Variants in SCLT1 observed in about 807,000 individuals in gnomAD.
SCLT1 encodes the protein sodium channel and clathrin linker 1, also known as sodium channel-associated protein 1.
A neutral mutation model predicts 112.8 loss-of-function variants in SCLT1; 78 were observed. The observed-to-expected ratio is 0.69, with a 90% CI of 0.58 to 0.83. The LOEUF (loss-of-function observed/expected upper bound fraction) is 0.83. Among genes scored for constraint, SCLT1 ranks in the 40% least tolerant of loss-of-function variants. The pLI is 0.00. For missense variants in SCLT1, 747 were observed against 770.4 expected, an observed-to-expected ratio of 0.97 and a Z score of 0.36; for synonymous variants, 257 against 254.7, an observed-to-expected ratio of 1.01 and a Z score of -0.09.
At chr4:129,019,338 T>G (rs1745249599) in intron 5 of SCLT1, among the ~76,000 whole-genome samples, 1 of 152,210 alleles carries the variant, frequency 6.6e-6, no homozygotes, top group Non-Finnish European at 1.5e-5. Context: ...TGTATTTCTT[T>G]GAATTGAATT....
intron 5 of SCLT1, among the ~76,000 whole-genome samples, chr4:129,017,369 T>A (rs777336753): frequency 2.0e-5 from 3 of 152,172 alleles, no homozygotes; most frequent in Non-Finnish European, 4.4e-5. Context: ...GCTCCTTATA[T>A]CATCTATCTT....
chr4:128,888,288 C>T (rs1338927406), intron 20 of SCLT1, among the ~76,000 whole-genome samples: 1 of 151,604 alleles, frequency 6.6e-6, no homozygotes, highest in African/African-American at 2.4e-5. Context: ...ACAAACGTGG[C>T]TCACTGCAGC....
chr4:129,087,696 G>C (rs1011745014), intron 1 of SCLT1, among the ~76,000 whole-genome samples: 1 of 145,744 alleles, frequency 6.9e-6, no homozygotes, highest in Non-Finnish European at 1.5e-5. Context: ...CAAGGTTGTA[G>C]TGAGCTACTA....
chr4:128,924,117 C>A (rs1030711327), intron 18 of SCLT1, among the ~76,000 whole-genome samples: 1 of 151,694 alleles, frequency 6.6e-6, no homozygotes, highest in Non-Finnish European at 1.5e-5. Flanking sequence ...TTTAACTTTG[C>A]AGTAAAATTG....
chr4:129,079,673 C>G (rs578053554), intron 2 of SCLT1, among the ~76,000 whole-genome samples: 1 of 152,330 alleles, frequency 6.6e-6, no homozygotes, highest in East Asian at 1.9e-4. Flanking sequence ...GGTGGACCTA[C>G]AATTCTTTGG....
chr4:128,971,266 T>C (rs754229080), intron 9 of SCLT1: 18 of 152,208 alleles, frequency 1.2e-4, no homozygotes, highest in African/African-American at 3.4e-4. Context: ...ATTTTATGTA[T>C]GTATCTAAAT....
intron 18 of SCLT1, among the ~76,000 whole-genome samples, chr4:128,921,190 T>C (rs997321996): frequency 3.2e-4 from 48 of 152,264 alleles, no homozygotes; most frequent in African/African-American, 1.1e-3. Context: ...ATGCTATGGA[T>C]AGGAAGAATC....
intron 1 of SCLT1, among the ~76,000 whole-genome samples, chr4:129,091,574 A>G (rs1752824987): frequency 6.6e-6 from 1 of 152,100 alleles, no homozygotes; most frequent in African/African-American, 2.4e-5. Context: ...GTGGCCAGTT[A>G]GCTGTTCTTA....
chr4:129,074,895 T>C (rs535708282), intron 2 of SCLT1, among the ~76,000 whole-genome samples: 2 of 152,082 alleles, frequency 1.3e-5, no homozygotes, highest in African/African-American at 4.8e-5. Context: ...AGAGATGGGG[T>C]CTTGCTATGT....
At chr4:128,973,486 G>C (rs1291600706) in intron 9 of SCLT1, among the ~76,000 whole-genome samples, 2 of 150,866 alleles carry the variant, frequency 1.3e-5, no homozygotes, top group East Asian at 3.9e-4. Context: ...GGGAGGGAGA[G>C]AGGGAGAGGG....
At chr4:129,009,747 A>T (rs1229005958) in intron 5 of SCLT1, among the ~76,000 whole-genome samples, 3 of 152,108 alleles carry the variant, frequency 2.0e-5, no homozygotes, top group Non-Finnish European at 4.4e-5. Flanking sequence ...TATTGGCCAC[A>T]TGTATGTCTT....
At chr4:128,883,730 C>T (rs544557225), downstream of SCLT1, among the ~76,000 whole-genome samples, 8 of 152,266 alleles carry the variant, frequency 5.3e-5, no homozygotes, top group African/African-American at 1.9e-4. Flanking sequence ...CAGATGCAAA[C>T]CTCTCTGCTT....
chr4:129,043,248 T>A (rs1486760700), intron 4 of SCLT1, 147 bp downstream of exon 4: 2 of 613,284 alleles, frequency 3.3e-6, no homozygotes, highest in African/African-American at 1.9e-5. Flanking sequence ...ATATATACAT[T>A]CACACACATT....
At chr4:128,980,179 C>T (rs1276385689) in intron 9 of SCLT1, among the ~76,000 whole-genome samples, 4 of 152,160 alleles carry the variant, frequency 2.6e-5, no homozygotes, top group Non-Finnish European at 4.4e-5. Context: ...GTTTCCAAGA[C>T]ACACTATGAA....
At chr4:129,063,370 G>A (rs941740885) in intron 2 of SCLT1, among the ~76,000 whole-genome samples, 13 of 152,170 alleles carry the variant, frequency 8.5e-5, no homozygotes, top group Admixed American at 2.6e-4. Context: ...AGCCATTACC[G>A]TTTAGGGAGA....
intron 18 of SCLT1, among the ~76,000 whole-genome samples, chr4:128,921,801 C>T (rs777014053): frequency 1.3e-5 from 2 of 152,046 alleles, no homozygotes; most frequent in African/African-American, 2.4e-5. Flanking sequence ...CATGTGGGAC[C>T]TAATTAAACT....
At chr4:128,954,996 A>G (rs1739102688) in intron 13 of SCLT1, among the ~76,000 whole-genome samples, 1 of 152,236 alleles carries the variant, frequency 6.6e-6, no homozygotes, top group Non-Finnish European at 1.5e-5. Context: ...AAGAGGGTAC[A>G]TATTTTGAAA....
rs1749843784 is a variant in SCLT1, at chr4:129,060,334, T to A, written c.103-16283A>T. 2.0e-5 allele frequency among the ~76,000 whole-genome samples: 3 copies of A among 152,328 alleles called. No homozygotes were observed. The South Asian group carries it at 6.2e-4, about 32-fold the overall frequency. ...TTCTTCTGGAAATTCATTGATTTCC[T>A]TTTCATTGGGTTCTTTTACTAAAGA... On this transcript the variant is annotated intron_variant, in intron 2 of 20. Transcript: ENST00000281142.
intron 2 of SCLT1, among the ~76,000 whole-genome samples, chr4:129,064,990 G>C (rs1295083996): frequency 1.3e-5 from 2 of 151,924 alleles, no homozygotes; most frequent in Non-Finnish European, 2.9e-5. Context: ...GTCATTTAGG[G>C]GAATTTTGTC....
Sources: allele counts gnomAD v4.1 joint callset (sites outside exome capture counted in the v4.1 genomes callset), GRCh38; gene constraint gnomAD v4.1.1; transcripts MANE v1.5; gene names NCBI Gene and HGNC (gene_info 2026-07-23, HGNC 2026-07-21).